Variants in ADGRA3 observed in about 807,000 individuals in gnomAD.
The protein encoded by ADGRA3 is G-protein coupled receptor 125.
In ADGRA3, 56 loss-of-function variants were observed where a neutral mutation model predicts 119.8. The ratio of observed to expected loss-of-function variants is 0.47; its 90% confidence interval spans 0.38 to 0.58. ADGRA3 has a LOEUF of 0.58. Ranked by LOEUF, ADGRA3 falls within the 20% of genes least tolerant of loss-of-function variation. The probability of loss-of-function intolerance (pLI) is 0.00; values close to 1 mark genes in which losing one functional copy is unlikely to be tolerated. For missense variants in ADGRA3, 1,516 were observed against 1,649.0 expected (o/e 0.92, Z 1.40); for synonymous variants, 607 against 623.8 (o/e 0.97, Z 0.40).
At chr4:22,479,165 A>G (rs1478789126) in intron 1 of ADGRA3, among the ~76,000 whole-genome samples, 1 of 152,172 alleles carries the variant, frequency 6.6e-6, no homozygotes, top group Admixed American at 6.5e-5. Context: ...TAGAATGGTG[A>G]TCATTAAAAA....
At chr4:22,425,890 C>G (rs1329886008) in intron 10 of ADGRA3, among the ~76,000 whole-genome samples, 4 of 152,220 alleles carry the variant, frequency 2.6e-5, no homozygotes. Context: ...ACAGTAAATA[C>G]ATAGATGAGA....
At chr4:22,399,522 TTAA>T (rs202068866) in intron 16 of ADGRA3, among the ~76,000 whole-genome samples, 121,259 of 150,950 alleles carry the variant, frequency 0.8, 48,894 homozygotes, top group East Asian at 0.98. Context: ...GCATGAGGCA[TTAA>T]AGACCCAGTT....
intron 5 of ADGRA3, among the ~76,000 whole-genome samples, chr4:22,446,587 T>G (rs571868451): frequency 6.6e-6 from 1 of 152,074 alleles, no homozygotes; most frequent in Non-Finnish European, 1.5e-5. Context: ...GAGGAGCTGG[T>G]TGGGGCTCCT....
chr4:22,434,193 ATATAT>A (rs1716303378), intron 10 of ADGRA3, among the ~76,000 whole-genome samples: 1 of 146,380 alleles, frequency 6.8e-6, no homozygotes, highest in Non-Finnish European at 1.5e-5. Flanking sequence ...ATATCTAAAT[ATATAT>A]TATATAATAT....
chr4:22,492,321 C>T (rs1196164875), intron 1 of ADGRA3, among the ~76,000 whole-genome samples: 1 of 152,100 alleles, frequency 6.6e-6, no homozygotes, highest in African/African-American at 2.4e-5. Flanking sequence ...TAAATCCAGG[C>T]CTGGTTGGAA....
intron 6 of ADGRA3, chr4:22,443,066 TA>T: frequency 1.5e-6 from 1 of 682,840 alleles, no homozygotes; most frequent in South Asian, 1.6e-5. Context: ...AACAATTTCA[TA>T]ACCAGTTCTG....
In ADGRA3 at chr4:22,438,424, C is replaced by A. The variant is rs1345074245; in HGVS notation, c.921-4G>T. Reference sequence around the variant, plus strand: ...AATATTAGAAATGGTTAGGGCACTGCATAAAGAAAGATTTTAAAAAGAGAG... The same window carrying A: ...AATATTAGAAATGGTTAGGGCACTGAATAAAGAAAGATTTTAAAAAGAGAG... On this transcript the variant is annotated splice_region_variant and splice_polypyrimidine_tract_variant and intron_variant, in intron 7 of 18. Transcript: ENST00000334304. 1 of 1,607,848 alleles carries A rather than the reference C, an allele frequency of 6.2e-7. No homozygotes were observed. The highest frequency in any genetic ancestry group is 8.5e-7 in the Non-Finnish European group (1 of 1,177,318).
At chr4:22,391,386 G>A (rs1052389763) in intron 17 of ADGRA3, among the ~76,000 whole-genome samples, 12 of 152,000 alleles carry the variant, frequency 7.9e-5, no homozygotes, top group African/African-American at 2.9e-4. Flanking sequence ...GTCAAGGCAC[G>A]CTAGCTAGCT....
chr4:22,508,152 C>A (rs1719311299), intron 1 of ADGRA3, among the ~76,000 whole-genome samples: 1 of 152,082 alleles, frequency 6.6e-6, no homozygotes, highest in African/African-American at 2.4e-5. Context: ...GAGAGAAGCA[C>A]CAGTATCATA....
At chr4:22,492,714 T>C (rs531317386) in intron 1 of ADGRA3, among the ~76,000 whole-genome samples, 36 of 152,292 alleles carry the variant, frequency 2.4e-4, no homozygotes, top group Middle Eastern at 3.4e-3. Flanking sequence ...ACTGAAAAGA[T>C]GGCTTTTTTC....
intron 1 of ADGRA3, among the ~76,000 whole-genome samples, chr4:22,489,626 T>G (rs1265680046): frequency 6.6e-6 from 1 of 152,194 alleles, no homozygotes; most frequent in Non-Finnish European, 1.5e-5. Flanking sequence ...CTGGACACAT[T>G]CTACTAAAAT....
intron 1 of ADGRA3, among the ~76,000 whole-genome samples, chr4:22,512,189 C>T (rs1276690479): frequency 1.3e-5 from 2 of 152,094 alleles, no homozygotes; most frequent in Admixed American, 6.5e-5. Flanking sequence ...GTGTGAGCCA[C>T]TGCGCCCGCC....
rs371121360 is a variant in ADGRA3, at chr4:22,388,303, G to A, written c.3368C>T (p.Ala1123Val). The A allele has an allele frequency of 2.8e-5, 45 of 1,613,968 alleles. No individual in the cohort carries two copies. Among genetic ancestry groups the A allele is most frequent in the Non-Finnish European group, 3.7e-5 (44 of 1,180,008 alleles). ...AGGTAAAGAATTGGCATGGCACTGA[G>A]CTGCAGCCGCCTGCAAGTTTGTTAA... ...CKLTNLQAAA[A>V]QCHANSLPLN... is the part of the protein sequence containing the mutation. Residue 1123 changes from alanine (A) to valine (V), a missense_variant, in exon 19 of 19, where the codon GCT becomes GTT. By Grantham distance (64) the Ala-to-Val change is moderately conservative (BLOSUM62 0). This residue lies in a region of ADGRA3 where 1,088 missense variants were observed against 1,107.1 expected (regional missense o/e 0.98). Transcript: ENST00000334304.
At chr4:22,465,291 T>C (rs1314412705) in intron 2 of ADGRA3, among the ~76,000 whole-genome samples, 2 of 152,170 alleles carry the variant, frequency 1.3e-5, no homozygotes, top group Admixed American at 6.6e-5. Context: ...TTCAACACCA[T>C]CCCTTCAGGC....
intron 17 of ADGRA3, 113 bp downstream of exon 17, chr4:22,392,432 A>T: frequency 7.9e-7 from 1 of 1,271,340 alleles, no homozygotes; most frequent in Non-Finnish European, 1.1e-6. Flanking sequence ...GCAGTCCTGC[A>T]TACAAGTCCG....
chr4:22,413,854 A>C, intron 12 of ADGRA3, 40 bp from the exon 13 acceptor site: 1 of 1,361,748 alleles, frequency 7.3e-7, no homozygotes, highest in Non-Finnish European at 1.0e-6. Flanking sequence ...TCACTACATT[A>C]GTACATAGAA....
chr4:22,511,412 G>C (rs1470156584), intron 1 of ADGRA3, among the ~76,000 whole-genome samples: 1 of 151,724 alleles, frequency 6.6e-6, no homozygotes, highest in Non-Finnish European at 1.5e-5. Context: ...TTAAGCCTAG[G>C]ATTTCTGCCA....
intron 1 of ADGRA3, 112 bp from the exon 2 acceptor site, chr4:22,473,955 C>A: frequency 1.7e-6 from 1 of 587,810 alleles, no homozygotes; most frequent in South Asian, 3.8e-5. Context: ...ATTTATTAGC[C>A]AGAATGTTTG....
intron 16 of ADGRA3, among the ~76,000 whole-genome samples, chr4:22,397,466 C>T (rs775064402): frequency 1.5e-4 from 23 of 152,128 alleles, no homozygotes; most frequent in Non-Finnish European, 3.4e-4. Context: ...AATTCTTATG[C>T]TTGTAGAGCT....
Sources: gnomAD v4.1 joint callset for allele counts (sites outside exome capture counted in the v4.1 genomes callset) on GRCh38, gnomAD v4.1.1 for gene constraint, gnomAD v4.1.1 regional missense constraint, MANE v1.5 for transcripts, NCBI Gene and HGNC (gene_info 2026-07-23, HGNC 2026-07-21) for gene names.